The following ADPRHL1 variants were observed in gnomAD, a reference collection of about 807,000 sequenced individuals.
ADPRHL1 encodes inactive ADP-ribosyltransferase ARH2.
Under a neutral mutation model 44.1 loss-of-function variants are expected in ADPRHL1, and 43 were observed. The ratio of observed to expected loss-of-function variants is 0.98; its 90% CI spans 0.76 to 1.26. The LOEUF is 1.26. Ranked by LOEUF, ADPRHL1 falls within the 50% of genes most tolerant of loss-of-function variation. The pLI, the probability that ADPRHL1 is intolerant of heterozygous loss-of-function variation, is 0.00. For missense variants in ADPRHL1, 2,022 were observed against 2,496.9 expected (o/e 0.81, Z 4.05); for synonymous variants, 878 against 1,017.4 (o/e 0.86, Z 2.61).
At chr13:113,437,361 G>A (rs1566479085) in intron 2 of ADPRHL1, among the ~76,000 whole-genome samples, 1 of 150,402 alleles carries the variant, frequency 6.6e-6, no homozygotes. Flanking sequence ...GTGTACCCCA[G>A]GACCCAGCAC....
At chr13:113,446,000 C>A (rs1402579372) in intron 1 of ADPRHL1, among the ~76,000 whole-genome samples, 1 of 144,860 alleles carries the variant, frequency 6.9e-6, no homozygotes, top group Non-Finnish European at 1.5e-5. Context: ...CTGCACACCC[C>A]CCAGAGAGAG....
chr13:113,452,090 C>T (rs1407243590), intron 1 of ADPRHL1, among the ~76,000 whole-genome samples: 4 of 152,182 alleles, frequency 2.6e-5, no homozygotes, highest in East Asian at 1.9e-4. Flanking sequence ...CAGCCGTCTA[C>T]GGTGAAAACA....
chr13:113,453,478 C>A lies in ADPRHL1; in HGVS notation c.-41G>T. On this transcript the variant is annotated 5_prime_UTR_variant, in exon 1 of 8. Coordinates refer to ENST00000612156, the MANE Select transcript of ADPRHL1 (RefSeq NM_001394807.1). This position sits in a 1 kb window ranked among gnomAD's most constrained non-coding sequence, Gnocchi z 5.4. ...CTCTTCCCCAACAGCTGCGGAGCGT[C>A]CTGGCCTTTGTCTCCTCCTCAGCCC... 6.2e-7 allele frequency: 1 copy of A among 1,602,650 alleles called. No homozygotes were observed. The highest frequency in any genetic ancestry group is 8.5e-7 in the Non-Finnish European group (1 of 1,173,600).
intron 7 of ADPRHL1, among the ~76,000 whole-genome samples, chr13:113,420,359 T>G (rs1160438685): frequency 6.6e-6 from 1 of 152,156 alleles, no homozygotes; most frequent in Non-Finnish European, 1.5e-5. Flanking sequence ...ACGGAGGGGT[T>G]TGATTTGCGG....
chr13:113,417,446 G>A (rs1371322359), intron 7 of ADPRHL1, among the ~76,000 whole-genome samples: 1 of 152,272 alleles, frequency 6.6e-6, no homozygotes, highest in Non-Finnish European at 1.5e-5. Flanking sequence ...GAACGTTCGC[G>A]ATGTGTGTGG....
At position 113,422,896 on chromosome 13, in the gene ADPRHL1, G is replaced by A; in HGVS notation, c.991C>T (p.Gln331Ter). ...AGCTTCTCCTTGTCCTCCAGGTCCT[G>A]GTACAAGCCTTTGGGAACGAGGTCC... is the stretch of plus-strand genomic sequence containing the variant. Reference protein sequence around the residue: ...GLDLVPKGLYQDLEDKEKLED... With the variant: ...GLDLVPKGLY Residue 331 changes from glutamine (Q) to a stop codon, truncating the protein, a stop_gained, in exon 7 of 8, where the codon CAG becomes TAG. Transcript: ENST00000612156. LOFTEE classifies it high-confidence loss of function. 6.2e-7 allele frequency: 1 copy of A among 1,612,956 alleles called. No homozygotes were observed. Among genetic ancestry groups the A allele is most frequent in the African/African-American group, 1.3e-5 (1 of 75,050 alleles).
At chr13:113,451,213 T>C (rs1253415978) in intron 1 of ADPRHL1, among the ~76,000 whole-genome samples, 2 of 152,234 alleles carry the variant, frequency 1.3e-5, no homozygotes, top group African/African-American at 4.8e-5. Context: ...GAGCGAGGAT[T>C]ATCATAATAT....
intron 3 of ADPRHL1, among the ~76,000 whole-genome samples, chr13:113,433,237 G>A (rs1311624743): frequency 1.3e-5 from 2 of 152,200 alleles, no homozygotes; most frequent in African/African-American, 2.4e-5. Context: ...GGCTCCCTTG[G>A]CCGGCGGGTG....
intron 6 of ADPRHL1, among the ~76,000 whole-genome samples, chr13:113,423,714 C>T (rs1226438074): frequency 3.3e-5 from 5 of 152,248 alleles, no homozygotes; most frequent in African/African-American, 9.6e-5. Context: ...ACGGCCAGGG[C>T]GGCACAGAGC....
At chr13:113,427,261 G>A (rs1425179210) in intron 4 of ADPRHL1, among the ~76,000 whole-genome samples, 3 of 152,236 alleles carry the variant, frequency 2.0e-5, no homozygotes, top group African/African-American at 4.8e-5. Flanking sequence ...GAGAACATTC[G>A]TTAATATACT....
chr13:113,424,402 G>A (rs2043948564), intron 5 of ADPRHL1, 53 bp from the exon 6 acceptor site: 2 of 1,606,456 alleles, frequency 1.2e-6, no homozygotes, highest in South Asian at 1.1e-5. Context: ...CCACTTCTGG[G>A]TATATTACAG....
rs1304567058 is a variant in ADPRHL1 at position 113,403,952 on chromosome 13, C to T, written c.5330G>A (p.Arg1777Gln). 6.3e-6 allele frequency: 8 copies of T among 1,275,222 alleles called. No individual in the cohort carries two copies. In the Admixed American group the frequency reaches 1.3e-4, roughly 20 times the overall value. The allele number at this position is 1,275,222 out of a possible 1,614,324, so 79.0% of individuals were successfully genotyped here. A position where few individuals can be genotyped will look rare whatever the true frequency, so the allele number is the denominator to read the frequency against. The stretch of plus-strand genomic sequence containing the variant: ...CTGGGTCTGCTCCCAGCCCTGATCC[C>T]GAGCCCGATCCCGAGCCCATTCCTG... ...GAQEWARDRA[R>Q]DQGWEQTQIE... The change falls in exon 8 of 8, where the codon CGG becomes CAG. Residue 1777 changes from arginine (R) to glutamine (Q), a missense_variant. Physicochemically the swap from Arg to Gln is conservative, Grantham distance 43 (BLOSUM62 1). Transcript: ENST00000612156.
chr13:113,438,578 C>T (rs1381580530), intron 2 of ADPRHL1, among the ~76,000 whole-genome samples: 1 of 152,130 alleles, frequency 6.6e-6, no homozygotes, highest in African/African-American at 2.4e-5. Context: ...CCTGTAGTCC[C>T]AGCTACTCTG....
At position 113,405,985 on chromosome 13, in the gene ADPRHL1, T is replaced by C. The variant is rs1566464083; in HGVS notation, c.3297A>G (p.Ser1099=). ...SHDVRENPLS[S]LNEPPKPGMK... ...TACCTGGTTTGGGTGGTTCATTTAA[T>C]GAGGACAGTGGGTTCTCGCGAACAT... Residue 1099 remains serine, a synonymous_variant, in exon 8 of 8, where the codon TCA becomes TCG. Transcript: ENST00000612156. 7 of 1,232,102 alleles carry C rather than the reference T, an allele frequency of 5.7e-6. No homozygotes were observed. The highest frequency in any genetic ancestry group is 5.1e-6 in the Non-Finnish European group (5 of 988,042). 76.3% of individuals were successfully genotyped at this position (1,232,102 alleles called of 1,614,324 possible).
At chr13:113,447,700 CTG>C (rs1254768884) in intron 1 of ADPRHL1, among the ~76,000 whole-genome samples, 1 of 152,222 alleles carries the variant, frequency 6.6e-6, no homozygotes, top group African/African-American at 2.4e-5. Flanking sequence ...TGTGGCAAGA[CTG>C]TGGTTTGGGA....
chr13:113,418,263 A>G (rs962500013), intron 7 of ADPRHL1, among the ~76,000 whole-genome samples: 1 of 152,208 alleles, frequency 6.6e-6, no homozygotes, highest in Non-Finnish European at 1.5e-5. Context: ...TAGACAGGGG[A>G]AATAACATTC....
Position 113,442,894 on chromosome 13 carries a change from G to A in ADPRHL1, c.379+1531C>T, listed in dbSNP as rs188404959. Among the ~76,000 whole-genome samples the A allele has an allele frequency of 3.8e-3, 583 of 152,258 alleles. 2 individuals are homozygous for A. Among genetic ancestry groups the A allele is most frequent in the Middle Eastern group, 0.02 (6 of 294 alleles). ...CATCTTGGATTCTTTCTCTTTGTGT[G>A]TCTCACCGTGGATAGTTTCTGCTGC... is the stretch of plus-strand genomic sequence containing the variant. On this transcript the variant is annotated intron_variant, in intron 2 of 7. Coordinates refer to ENST00000612156, the MANE Select transcript of ADPRHL1 (RefSeq NM_001394807.1).
At chr13:113,408,339 GA>G (rs2139597476) in intron 7 of ADPRHL1, 119 bp from the exon 8 acceptor site, 1 of 1,051,758 alleles carries the variant, frequency 9.5e-7, no homozygotes, top group Non-Finnish European at 1.2e-6. Context: ...CTGGTAGGGA[GA>G]AAAAGAGATT....
intron 3 of ADPRHL1, among the ~76,000 whole-genome samples, chr13:113,431,865 A>G (rs908900487): frequency 1.3e-5 from 2 of 151,796 alleles, no homozygotes; most frequent in Non-Finnish European, 2.9e-5. Flanking sequence ...ACAGGCATGC[A>G]CCACCGTGCC....
Sources: allele counts gnomAD v4.1 joint callset (sites outside exome capture counted in the v4.1 genomes callset), GRCh38; gene constraint gnomAD v4.1.1; non-coding constraint Gnocchi (gnomAD v3.1); transcripts MANE v1.5; gene names NCBI Gene and HGNC (gene_info 2026-07-23, HGNC 2026-07-21).